ATP2B2: variants seen among roughly 807,000 people sequenced by gnomAD.
ATP2B2 encodes plasma membrane calcium-transporting ATPase 2.
Under a neutral mutation model 120.0 loss-of-function variants are expected in ATP2B2, and 15 were observed. The ratio of observed to expected loss-of-function variants is 0.12; its 90% CI spans 0.08 to 0.19. The LOEUF (loss-of-function observed/expected upper bound fraction) is 0.19. Ranked by LOEUF, ATP2B2 falls within the 10% of genes least tolerant of loss-of-function variation. The pLI, the probability that ATP2B2 is intolerant of heterozygous loss-of-function variation, is 1.00. For synonymous variants in ATP2B2, 694 were observed against 700.3 expected (o/e 0.99, Z 0.14); for missense variants, 1,045 against 1,719.8 (o/e 0.61, Z 6.94).
chr3:10,557,636 T>TG (rs1382750949), intron 2 of ATP2B2, among the ~76,000 whole-genome samples: 4 of 152,286 alleles, frequency 2.6e-5, no homozygotes, highest in African/African-American at 9.6e-5. Flanking sequence ...GCACAGTCAC[T>TG]GAGGGCTGAG....
chr3:10,651,342 T>A (rs894436263), intron 1 of ATP2B2, among the ~76,000 whole-genome samples: 1 of 152,140 alleles, frequency 6.6e-6, no homozygotes, highest in African/African-American at 2.4e-5. Context: ...GGTAATTGAA[T>A]CATGGGGGCA....
chr3:10,396,171 G>GC (rs2062029081), intron 5 of ATP2B2, among the ~76,000 whole-genome samples: 3 of 152,230 alleles, frequency 2.0e-5, no homozygotes, highest in Admixed American at 6.5e-5. Context: ...TGGGCATTCT[G>GC]CCTCCAGATG....
At chr3:10,604,784 C>G (rs2069017074) in intron 2 of ATP2B2, among the ~76,000 whole-genome samples, 1 of 152,158 alleles carries the variant, frequency 6.6e-6, no homozygotes, top group Non-Finnish European at 1.5e-5. Flanking sequence ...CCATCAAGCC[C>G]TTTCCAATTG....
At chr3:10,348,834 G>C (rs1194953726) in intron 16 of ATP2B2, among the ~76,000 whole-genome samples, 1 of 152,216 alleles carries the variant, frequency 6.6e-6, no homozygotes, top group Non-Finnish European at 1.5e-5. Context: ...GACCAGGCCT[G>C]TCCTGAGCAG....
At chr3:10,686,043 C>CTTTTTTTTTTTTTTTTTTTTTT (rs34073958) in intron 1 of ATP2B2, among the ~76,000 whole-genome samples, 2 of 93,212 alleles carry the variant, frequency 2.1e-5, no homozygotes, top group African/African-American at 8.3e-5. Flanking sequence ...TTCCTCCTTT[C>CTTTTTTTTTTTTTTTTTTTTTT]TTTTTTTTTT....
At position 10,609,457 on chromosome 3, in the gene ATP2B2, G is replaced by A. The variant is rs532951007; in HGVS notation, c.-415+10460C>T. Among the ~76,000 whole-genome samples the A allele has an allele frequency of 5.9e-5, 9 of 152,332 alleles. No homozygotes were observed. The South Asian group carries it at 8.3e-4, about 14-fold the overall frequency. On this transcript the variant is annotated intron_variant, in intron 2 of 21. Coordinates refer to the ATP2B2 transcript ENST00000646379. ...CTCCTCGGCGCGCCTGGCTGAAGCC[G>A]GGAGCTTTCCAAGTGTGTGTAAAAA... is the stretch of plus-strand genomic sequence containing the variant.
intron 1 of ATP2B2, among the ~76,000 whole-genome samples, chr3:10,625,723 T>TTCAGCAGGGACCCC (rs1364908835): frequency 2.0e-5 from 3 of 152,104 alleles, no homozygotes; most frequent in Non-Finnish European, 4.4e-5. Flanking sequence ...TCAGGGACCC[T>TTCAGCAGGGACCCC]TCAGCAGGGA....
intron 1 of ATP2B2, among the ~76,000 whole-genome samples, chr3:10,452,432 A>T (rs901476630): frequency 6.6e-6 from 1 of 152,186 alleles, no homozygotes; most frequent in Non-Finnish European, 1.5e-5. Flanking sequence ...TCAGGGTTGG[A>T]TGAGGCACTA....
intron 2 of ATP2B2, among the ~76,000 whole-genome samples, chr3:10,610,023 T>G (rs1459022540): frequency 3.3e-5 from 5 of 152,022 alleles, no homozygotes; most frequent in Non-Finnish European, 7.4e-5. Context: ...TGCTCCTTCC[T>G]GTTTCTCTTT....
At chr3:10,355,601 T>A (rs532450784) in intron 14 of ATP2B2, among the ~76,000 whole-genome samples, 3 of 152,148 alleles carry the variant, frequency 2.0e-5, no homozygotes, top group Admixed American at 1.3e-4. Context: ...AGCGGCAAAG[T>A]CGGGGTTGGG....
intron 3 of ATP2B2, among the ~76,000 whole-genome samples, chr3:10,532,282 C>T (rs917463908): frequency 2.6e-5 from 4 of 152,174 alleles, no homozygotes; most frequent in African/African-American, 4.8e-5. Flanking sequence ...AAAAGTATAA[C>T]AATGACCGCA....
At chr3:10,677,913 T>A (rs1226734092) in intron 1 of ATP2B2, among the ~76,000 whole-genome samples, 1 of 152,222 alleles carries the variant, frequency 6.6e-6, no homozygotes, top group Non-Finnish European at 1.5e-5. Flanking sequence ...ACTTCTCTTG[T>A]GTTATCCTGT....
chr3:10,588,849 T>A (rs2068576644), intron 2 of ATP2B2, among the ~76,000 whole-genome samples: 1 of 152,020 alleles, frequency 6.6e-6, no homozygotes, highest in African/African-American at 2.4e-5. Flanking sequence ...GAACTAGAAA[T>A]AGATCCAACT....
At chr3:10,502,730 C>T (rs772259319) in intron 1 of ATP2B2, among the ~76,000 whole-genome samples, 4 of 152,250 alleles carry the variant, frequency 2.6e-5, no homozygotes, top group Non-Finnish European at 5.9e-5. Context: ...AAGGCTCCTC[C>T]GCCTTCACCC....
chr3:10,356,813 C>T (rs4082414), intron 14 of ATP2B2, among the ~76,000 whole-genome samples: 7,902 of 152,262 alleles, frequency 0.052, 674 homozygotes, highest in African/African-American at 0.18. Flanking sequence ...GGCTGATAAA[C>T]GGCCTGTCTG....
chr3:10,426,301 A>G (rs2063143580), intron 2 of ATP2B2, among the ~76,000 whole-genome samples: 1 of 152,050 alleles, frequency 6.6e-6, no homozygotes, highest in Non-Finnish European at 1.5e-5. Context: ...TCCCTTGCTG[A>G]CTCTAAGCTC....
chr3:10,473,233 C>G (rs1383289405), intron 1 of ATP2B2, among the ~76,000 whole-genome samples: 1 of 152,238 alleles, frequency 6.6e-6, no homozygotes, highest in Non-Finnish European at 1.5e-5. Context: ...CTCTTATTCT[C>G]TGATTTGTTC....
intron 2 of ATP2B2, among the ~76,000 whole-genome samples, chr3:10,564,442 C>T (rs1004791384): frequency 2.0e-5 from 3 of 152,302 alleles, no homozygotes; most frequent in African/African-American, 7.2e-5. Flanking sequence ...CATCCTCCTC[C>T]CCAACAGTGG....
intron 1 of ATP2B2, among the ~76,000 whole-genome samples, chr3:10,676,908 T>A (rs555995634): frequency 2.6e-5 from 4 of 152,350 alleles, no homozygotes; most frequent in East Asian, 3.9e-4. Context: ...ACACTGACAG[T>A]ACCAAATGCT....
Sources: allele counts gnomAD v4.1 joint callset (sites outside exome capture counted in the v4.1 genomes callset), GRCh38; gene constraint gnomAD v4.1.1; transcripts MANE v1.5; gene names NCBI Gene and HGNC (gene_info 2026-07-23, HGNC 2026-07-21).